Variants in ZZEF1 observed in about 807,000 individuals in gnomAD.
The protein encoded by ZZEF1 is zinc finger ZZ-type and EF-hand domain containing 1, also known as zinc finger ZZ-type and EF-hand domain-containing protein 1.
A neutral mutation model predicts 342.8 loss-of-function variants in ZZEF1; 157 were observed. The observed-to-expected ratio is 0.46, with a 90% CI of 0.40 to 0.52. The LOEUF (loss-of-function observed/expected upper bound fraction) is 0.52, where lower values mean the gene tolerates loss of function less well. ZZEF1 is among the 20% of genes least tolerant of loss of function. The pLI is 0.00. For synonymous variants in ZZEF1, 1,505 were observed against 1,429.1 expected, an observed-to-expected ratio of 1.05 and a Z score of -1.20; for missense variants, 3,480 against 3,725.6, an observed-to-expected ratio of 0.93 and a Z score of 1.72.
intron 18 of ZZEF1, among the ~76,000 whole-genome samples, chr17:4,080,001 A>G (rs142576109): frequency 1.8e-4 from 28 of 152,316 alleles, no homozygotes; most frequent in Admixed American, 1.7e-3. Flanking sequence ...TCTGGTTCCC[A>G]TATTTAGCCC....
At chr17:4,010,670 G>A (rs1410283566) in intron 52 of ZZEF1, among the ~76,000 whole-genome samples, 3 of 123,860 alleles carry the variant, frequency 2.4e-5, no homozygotes, top group African/African-American at 3.2e-5. Context: ...GGTTGCAGTG[G>A]GCTGAGATCA....
chr17:4,078,886 AT>A lies in ZZEF1; in HGVS notation c.2830-845del, dbSNP rs200817782. Among the ~76,000 whole-genome samples, 798 of 152,128 alleles carry A rather than the reference AT, an allele frequency of 5.2e-3. 9 individuals carry two copies. The highest frequency in any genetic ancestry group is 0.018 in the African/African-American group (763 of 41,476). On this transcript the variant is annotated intron_variant, in intron 18 of 54. Coordinates refer to ENST00000381638, the MANE Select transcript of ZZEF1 (RefSeq NM_015113.4). ...CCAGGTACATTTCTGATCACCTTTA[AT>A]TTTTTTTCCTGATTGAACCCTAACT...
chr17:4,009,705 T>C lies in ZZEF1; in HGVS notation c.8632A>G (p.Met2878Val), dbSNP rs1310125809. Residue 2878 changes from methionine to valine, a missense_variant, in exon 53 of 55, where the codon ATG (methionine) becomes GTG (valine). Met to Val is a conservative substitution (Grantham distance 21). Around this residue, in one of 5 missense-constraint regions of ZZEF1, gnomAD observed 1,269 missense variants for 1,342.4 expected, o/e 0.95. Transcript: ENST00000381638. ...LKPLWQLFTH[M>V]EYGLFEDVTQ... ...ACGTCCTCAAACAGGCCGTACTCCATGTGGGTAAAGAGCTGCCACAGGGGC... is the reference window on the plus strand; with the variant it reads ...ACGTCCTCAAACAGGCCGTACTCCACGTGGGTAAAGAGCTGCCACAGGGGC... 3.1e-6 allele frequency: 5 copies of C among 1,613,932 alleles called. No homozygotes were observed. In the East Asian group the frequency reaches 8.9e-5, roughly 29 times the overall value.
intron 53 of ZZEF1, chr17:4,009,364 G>A (rs2055884898): frequency 8.4e-6 from 5 of 598,632 alleles, no homozygotes; most frequent in Non-Finnish European, 1.5e-5. Flanking sequence ...GGCTGATCCC[G>A]GGCAGTTTCT....
Position 4,042,284 on chromosome 17 carries a change from A to G in ZZEF1, c.6306+145T>C, listed in dbSNP as rs993614585. Reference sequence around the variant, plus strand: ...ACATATATATTTACAAAATATAGGAAGGGTCAGAAGAAAATAATTATAACT... The same window carrying G: ...ACATATATATTTACAAAATATAGGAGGGGTCAGAAGAAAATAATTATAACT... On this transcript the variant is annotated intron_variant, in intron 39 of 54. Transcript: ENST00000381638. 3 of 787,252 alleles carry G rather than the reference A, an allele frequency of 3.8e-6. No homozygotes were observed. In the African/African-American group the frequency reaches 5.2e-5, roughly 14 times the overall value. 48.8% of individuals were successfully genotyped at this position (787,252 alleles called of 1,614,324 possible).
chr17:4,044,517 TTC>T, intron 37 of ZZEF1, 143 bp from the exon 38 acceptor site: 2 of 737,182 alleles, frequency 2.7e-6, no homozygotes, highest in East Asian at 5.5e-5. Flanking sequence ...CATTTCTTTT[TTC>T]TTTTTTGTGT....
At chr17:4,098,626 T>C (rs879205757) in intron 9 of ZZEF1, among the ~76,000 whole-genome samples, 7 of 152,298 alleles carry the variant, frequency 4.6e-5, no homozygotes, top group Admixed American at 3.3e-4. Flanking sequence ...AAGCTTTTTT[T>C]TCTGGGACTC....
chr17:4,138,647 A>G (rs1019082437), intron 1 of ZZEF1, among the ~76,000 whole-genome samples: 2 of 152,206 alleles, frequency 1.3e-5, no homozygotes, highest in African/African-American at 2.4e-5. Flanking sequence ...CAAAGTAGGC[A>G]CCAAAACTAT....
Position 4,054,050 on chromosome 17 carries a change from A to C in ZZEF1, c.5434+7T>G. 1 of 1,608,460 alleles carries C rather than the reference A, an allele frequency of 6.2e-7. No individual in the cohort carries two copies. ...TGGATACGGCGTACCCAGTTCATGA[A>C]ATTTACCTAGGAAGCAAGTTTTGCA... On this transcript the variant is annotated splice_region_variant and intron_variant, in intron 34 of 54. Transcript: ENST00000381638.
At chr17:4,139,380 TG>T (rs1270661373) in intron 1 of ZZEF1, among the ~76,000 whole-genome samples, 5 of 152,248 alleles carry the variant, frequency 3.3e-5, no homozygotes, top group African/African-American at 4.8e-5. Context: ...TGCGCACCCG[TG>T]GCTATCTGTT....
chr17:4,081,401 G>A lies in ZZEF1; in HGVS notation c.2804C>T (p.Thr935Ile). 1.2e-6 allele frequency: 2 copies of A among 1,613,780 alleles called. No homozygotes were observed. The highest frequency in any genetic ancestry group is 1.1e-5 in the South Asian group (1 of 91,056). Residue 935 changes from threonine to isoleucine, a missense_variant, in exon 18 of 55, where the codon ACT becomes ATT. Coordinates refer to ENST00000381638, the MANE Select transcript of ZZEF1 (RefSeq NM_015113.4). Reference protein sequence around the residue: ...NISEVLAVMDTLVSVAARECE... With the variant: ...NISEVLAVMDILVSVAARECE... Reference sequence around the variant, plus strand: ...CTCTCGAGCAGCAACAGAGACGAGAGTGTCCATGACCGCCAGGACTTCACT... The same window carrying A: ...CTCTCGAGCAGCAACAGAGACGAGAATGTCCATGACCGCCAGGACTTCACT...
intron 9 of ZZEF1, among the ~76,000 whole-genome samples, chr17:4,101,949 CTA>C (rs1313406362): frequency 6.6e-6 from 1 of 152,064 alleles, no homozygotes; most frequent in East Asian, 1.9e-4. Context: ...CCTTCTTAAA[CTA>C]TGTTTTCAGT....
chr17:4,142,593 C>G lies in ZZEF1; in HGVS notation c.303G>C (p.Arg101=), dbSNP rs1221246100. 4 of 1,604,926 alleles carry G rather than the reference C, an allele frequency of 2.5e-6. No individual in the cohort carries two copies. The African/African-American group carries it at 5.3e-5, about 21-fold the overall frequency. The change falls in exon 1 of 55, where the codon CGG becomes CGC. Residue 101 remains arginine, a synonymous_variant. Transcript: ENST00000381638. ...CGGCGCCGCGAGCCTCCAGCAGCTC[C>G]CGGAACTGCTCCAGAGTGACAGACT... The part of the protein sequence containing the change: ...GEESVTLEQF[R]ELLEARGAGC...
At chr17:4,098,290 C>T (rs1296945914) in intron 9 of ZZEF1, among the ~76,000 whole-genome samples, 2 of 149,596 alleles carry the variant, frequency 1.3e-5, no homozygotes, top group Non-Finnish European at 3.0e-5. Context: ...TGCACACCTG[C>T]AATCCTAGCT....
At chr17:4,123,590 T>C (rs1317896648) in intron 2 of ZZEF1, among the ~76,000 whole-genome samples, 4 of 151,842 alleles carry the variant, frequency 2.6e-5, no homozygotes, top group Non-Finnish European at 4.4e-5. Context: ...ACAATGGTAA[T>C]ATGTTGCAAA....
At position 4,009,196 on chromosome 17, in the gene ZZEF1, CA is replaced by C. The variant is rs1441578354; in HGVS notation, c.8734-243del. 3 of 586,286 alleles carry C rather than the reference CA, an allele frequency of 5.1e-6. No individual in the cohort carries two copies. The African/African-American group carries it at 5.6e-5, about 11-fold the overall frequency. The allele number at this position is 586,286 out of a possible 1,614,324, so 36.3% of individuals were successfully genotyped here. On this transcript the variant is annotated intron_variant, in intron 53 of 54. Coordinates refer to ENST00000381638, the MANE Select transcript of ZZEF1 (RefSeq NM_015113.4). Reference sequence around the variant, plus strand: ...ACCAGGCCGGGACCCCTCCTCAAGCCAGTTTCCTCATGTGTGAAAGGAGAGG... The same window carrying C: ...ACCAGGCCGGGACCCCTCCTCAAGCCGTTTCCTCATGTGTGAAAGGAGAGG...
chr17:4,064,955 C>T lies in ZZEF1; in HGVS notation c.4250-126G>A, dbSNP rs1659864154. On this transcript the variant is annotated intron_variant, in intron 28 of 54. Coordinates refer to ENST00000381638, the MANE Select transcript of ZZEF1 (RefSeq NM_015113.4). ...TGATGAGTTAATGGGTGCAGCACAC[C>T]AACATGGCACATGTATACATATGTA... 1.5e-5 allele frequency: 10 copies of T among 656,744 alleles called. No homozygotes were observed. In the South Asian group the frequency reaches 1.8e-4, roughly 12 times the overall value. 40.7% of individuals were successfully genotyped at this position (656,744 alleles called of 1,614,324 possible).
In ZZEF1 at chr17:4,014,869, C is replaced by T. The variant is rs2056060907; in HGVS notation, c.8146-354G>A. On this transcript the variant is annotated intron_variant, in intron 49 of 54. Transcript: ENST00000381638. This position sits in a 1 kb window ranked among gnomAD's most constrained non-coding sequence, Gnocchi z 4.4. ...GACAGGGTAACAGCCCTGTGAAGGT[C>T]TAGCATGTTCAGGGAATGGCAAGGA... Among the ~76,000 whole-genome samples, 1 of 152,114 alleles carries T rather than the reference C, an allele frequency of 6.6e-6. No homozygotes were observed. The highest frequency in any genetic ancestry group is 6.5e-5 in the Admixed American group (1 of 15,278).
chr17:4,036,817 A>ACACACACT (rs754105162), intron 39 of ZZEF1, among the ~76,000 whole-genome samples: 343 of 72,552 alleles, frequency 4.7e-3, no homozygotes, highest in African/African-American at 7.3e-3. Context: ...ACACACACAC[A>ACACACACT]CTCTCTCTCT....
Sources: gnomAD v4.1 joint callset for allele counts (sites outside exome capture counted in the v4.1 genomes callset) on GRCh38, gnomAD v4.1.1 for gene constraint, gnomAD v4.1.1 regional missense constraint, Gnocchi (gnomAD v3.1) non-coding constraint, MANE v1.5 for transcripts, NCBI Gene and HGNC (gene_info 2026-07-23, HGNC 2026-07-21) for gene names.